HCN1: variants seen among roughly 807,000 people sequenced by gnomAD.
HCN1 encodes the protein potassium/sodium hyperpolarization-activated cyclic nucleotide-gated channel 1.
A neutral mutation model predicts 78.9 loss-of-function variants in HCN1; 13 were observed. The ratio of observed to expected loss-of-function variants is 0.16; its 90% CI spans 0.11 to 0.26. The LOEUF is 0.26. HCN1 is among the 10% of genes least tolerant of loss of function. The probability of loss-of-function intolerance (pLI) is 1.00; values close to 1 mark genes in which losing one functional copy is unlikely to be tolerated. For synonymous variants in HCN1, 552 were observed against 455.5 expected (o/e 1.21, Z -2.70); for missense variants, 810 against 1,154.3 (o/e 0.70, Z 4.32).
chr5:45,584,023 G>A (rs950965295), intron 2 of HCN1, among the ~76,000 whole-genome samples: 11 of 152,184 alleles, frequency 7.2e-5, no homozygotes, highest in Non-Finnish European at 1.3e-4. Flanking sequence ...GGGGTGGAGA[G>A]TTCTGTAGAT....
At chr5:45,452,187 G>A (rs947557577) in intron 3 of HCN1, among the ~76,000 whole-genome samples, 6 of 151,918 alleles carry the variant, frequency 3.9e-5, no homozygotes, top group Non-Finnish European at 8.8e-5. Flanking sequence ...TCCACAGCTA[G>A]GTGTGCCTAT....
intron 4 of HCN1, among the ~76,000 whole-genome samples, chr5:45,380,723 T>C (rs1234635901): frequency 6.6e-6 from 1 of 152,118 alleles, no homozygotes; most frequent in East Asian, 1.9e-4. Context: ...GTTAGACCTG[T>C]AGTTCCCATT....
rs530351837 is a variant in HCN1, at chr5:45,495,807, T to G, written c.850-33800A>C. Among the ~76,000 whole-genome samples the G allele has an allele frequency of 7.4e-3, 1,132 of 152,340 alleles. 13 individuals carry two copies. Among genetic ancestry groups the G allele is most frequent in the African/African-American group, 0.026 (1,085 of 41,570 alleles). On this transcript the variant is annotated intron_variant, in intron 2 of 7. Transcript: ENST00000303230. Reference sequence around the variant, plus strand: ...CCTAATTTATTGAGAGTTTTTAGCATGAAGGGTTGTTGAATTTTGTCAAAG... The same window carrying G: ...CCTAATTTATTGAGAGTTTTTAGCAGGAAGGGTTGTTGAATTTTGTCAAAG...
At chr5:45,524,994 T>C (rs1292153891) in intron 2 of HCN1, among the ~76,000 whole-genome samples, 1 of 152,224 alleles carries the variant, frequency 6.6e-6, no homozygotes, top group African/African-American at 2.4e-5. Flanking sequence ...GGCTGTGGGT[T>C]TGTCATAAAT....
At position 45,255,920 on chromosome 5, in the gene HCN1, C is replaced by T. The variant is rs1482425356; in HGVS notation, c.*6001G>A. On this transcript the variant is annotated 3_prime_UTR_variant, in exon 8 of 8. Transcript: ENST00000303230. ...TATTTAAAAAAAAAAGTCTGAATAA[C>T]TCTACGTTACCTGAATTCAATTATA... 1 of 151,944 alleles carries T rather than the reference C, an allele frequency of 6.6e-6. No homozygotes were observed. The highest frequency in any genetic ancestry group is 1.9e-4 in the East Asian group (1 of 5,182). The allele number at this position is 151,944 out of a possible 1,614,324, so 9.4% of individuals were successfully genotyped here.
intron 2 of HCN1, among the ~76,000 whole-genome samples, chr5:45,472,242 G>A (rs536666661): frequency 6.6e-6 from 1 of 151,904 alleles, no homozygotes; most frequent in East Asian, 1.9e-4. Context: ...TTTTCTGACT[G>A]ATGACCTTAT....
chr5:45,620,707 C>T (rs1284128129), intron 2 of HCN1, among the ~76,000 whole-genome samples: 1 of 152,042 alleles, frequency 6.6e-6, no homozygotes, highest in Non-Finnish European at 1.5e-5. Context: ...TCCCCCTCCA[C>T]TTCATGTTTG....
intron 2 of HCN1, among the ~76,000 whole-genome samples, chr5:45,614,590 C>T (rs1744905595): frequency 6.6e-6 from 1 of 151,984 alleles, no homozygotes; most frequent in Non-Finnish European, 1.5e-5. Context: ...CAAATATATT[C>T]ATCTCTCACT....
At position 45,564,325 on chromosome 5, in the gene HCN1, A is replaced by T. The variant is rs368259154; in HGVS notation, c.849+80860T>A. 2.5e-4 allele frequency among the ~76,000 whole-genome samples: 38 copies of T among 150,392 alleles called. No homozygotes were observed. The South Asian group carries it at 7.8e-3, about 31-fold the overall frequency. ...ACCCAGGTTGGAGTGCAGTGGCGCC[A>T]TCTCGGCTCACTGCAAGCTCCACCT... On this transcript the variant is annotated intron_variant, in intron 2 of 7. Transcript: ENST00000303230.
chr5:45,293,330 G>T (rs925356517), intron 6 of HCN1, among the ~76,000 whole-genome samples: 1 of 151,722 alleles, frequency 6.6e-6, no homozygotes, highest in African/African-American at 2.4e-5. Flanking sequence ...GTTTTGATTT[G>T]CCTTTCTTTA....
intron 6 of HCN1, among the ~76,000 whole-genome samples, chr5:45,271,275 T>C (rs746532295): frequency 2.0e-5 from 3 of 151,996 alleles, no homozygotes; most frequent in Non-Finnish European, 2.9e-5. Context: ...TATTCTAATT[T>C]GGTCTTTCTT....
chr5:45,539,002 C>G (rs934993245), intron 2 of HCN1, among the ~76,000 whole-genome samples: 2 of 152,100 alleles, frequency 1.3e-5, no homozygotes, highest in African/African-American at 4.8e-5. Context: ...CCATCCTTGT[C>G]TTCCTAAAGA....
chr5:45,356,532 C>T (rs6451796), intron 4 of HCN1, among the ~76,000 whole-genome samples: 49,222 of 151,700 alleles, frequency 0.32, 10,321 homozygotes, highest in African/African-American at 0.58. Context: ...TATGCTTGTT[C>T]CCGTTTCTTA....
chr5:45,630,705 G>A (rs1040020313), intron 2 of HCN1, among the ~76,000 whole-genome samples: 2 of 151,942 alleles, frequency 1.3e-5, no homozygotes, highest in Non-Finnish European at 2.9e-5. Flanking sequence ...TATTTCTTTG[G>A]CTTTCTTGAT....
chr5:45,422,909 G>A (rs1248559736), intron 3 of HCN1, among the ~76,000 whole-genome samples: 1 of 152,164 alleles, frequency 6.6e-6, no homozygotes, highest in East Asian at 1.9e-4. Context: ...GGGATTAGGT[G>A]AGGGTGGTTA....
At chr5:45,567,482 A>G (rs1349651129) in intron 2 of HCN1, among the ~76,000 whole-genome samples, 1 of 151,920 alleles carries the variant, frequency 6.6e-6, no homozygotes, top group African/African-American at 2.4e-5. Context: ...CTAAATGTTG[A>G]CATGCAGAAC....
chr5:45,294,989 G>A (rs1309890624), intron 6 of HCN1, among the ~76,000 whole-genome samples: 4 of 152,016 alleles, frequency 2.6e-5, no homozygotes, highest in South Asian at 2.1e-4. Flanking sequence ...ATTTAAAAGA[G>A]GATGATGAGA....
chr5:45,509,068 T>C (rs966388591), intron 2 of HCN1, among the ~76,000 whole-genome samples: 4 of 152,158 alleles, frequency 2.6e-5, no homozygotes, highest in African/African-American at 4.8e-5. Context: ...TTTCAAGTCC[T>C]TTAAACATGA....
intron 3 of HCN1, among the ~76,000 whole-genome samples, chr5:45,427,343 C>A (rs1317358632): frequency 1.3e-5 from 2 of 151,450 alleles, no homozygotes; most frequent in Admixed American, 6.6e-5. Context: ...ACTGGCTTAT[C>A]TTGTTTATTT....
Sources: gnomAD v4.1 joint callset for allele counts (sites outside exome capture counted in the v4.1 genomes callset) on GRCh38, gnomAD v4.1.1 for gene constraint, MANE v1.5 for transcripts, NCBI Gene and HGNC (gene_info 2026-07-23, HGNC 2026-07-21) for gene names.